PARN: variants seen among roughly 807,000 people sequenced by gnomAD.
PARN encodes poly(A)-specific ribonuclease PARN.
Under a neutral mutation model 102.8 loss-of-function variants are expected in PARN, and 71 were observed. That is an observed-to-expected ratio of 0.69 (90% CI 0.57 to 0.84). The LOEUF is 0.84. Among genes scored for constraint, PARN ranks in the 40% least tolerant of loss-of-function variants. The probability of loss-of-function intolerance (pLI) is 0.00; values close to 1 mark genes in which losing one functional copy is unlikely to be tolerated. For missense variants in PARN, 782 were observed against 760.9 expected, an observed-to-expected ratio of 1.03 and a Z score of -0.33; for synonymous variants, 261 against 252.9, an observed-to-expected ratio of 1.03 and a Z score of -0.30.
intron 21 of PARN, among the ~76,000 whole-genome samples, chr16:14,498,473 T>C (rs563157414): frequency 6.6e-6 from 1 of 152,262 alleles, no homozygotes; most frequent in African/African-American, 2.4e-5. Flanking sequence ...GCTATGAACA[T>C]GAGTCCTCTT....
At chr16:14,568,933 C>T (rs943170658) in intron 18 of PARN, among the ~76,000 whole-genome samples, 1 of 150,718 alleles carries the variant, frequency 6.6e-6, no homozygotes, top group African/African-American at 2.4e-5. Context: ...AAAAAAAGTG[C>T]GGGGACAGTG....
intron 19 of PARN, 87 bp downstream of exon 19, chr16:14,555,567 T>C: frequency 3.4e-6 from 2 of 591,028 alleles, no homozygotes; most frequent in Non-Finnish European, 5.7e-6. Context: ...TGAAAAAAGC[T>C]TTTTCTTTAG....
Position 14,529,780 on chromosome 16 carries a change from C to T in PARN, c.1480+22241G>A, listed in dbSNP as rs186618192. On this transcript the variant is annotated intron_variant, in intron 21 of 23. Transcript: ENST00000437198. ...TCCTCTTATGGAGCCCATGAGGACT[C>T]GGCATCCCCTTCCTGTTCCCCTCAA... is the stretch of plus-strand genomic sequence containing the variant. Among the ~76,000 whole-genome samples the T allele has an allele frequency of 3.6e-4, 55 of 152,174 alleles. No individual in the cohort carries two copies. The East Asian group carries it at 5.6e-3, about 15-fold the overall frequency.
chr16:14,607,790 T>C (rs1971284912), intron 9 of PARN, among the ~76,000 whole-genome samples: 1 of 152,174 alleles, frequency 6.6e-6, no homozygotes, highest in Non-Finnish European at 1.5e-5. Flanking sequence ...CACCTGTCTA[T>C]GTCAATGTTC....
At chr16:14,552,995 T>A (rs1193912541) in intron 20 of PARN, among the ~76,000 whole-genome samples, 1 of 152,054 alleles carries the variant, frequency 6.6e-6, no homozygotes, top group Admixed American at 6.6e-5. Context: ...AAAGTAACTT[T>A]ATATGCCTTA....
intron 21 of PARN, among the ~76,000 whole-genome samples, chr16:14,549,623 G>GTT (rs1967172143): frequency 6.6e-6 from 1 of 152,198 alleles, no homozygotes; most frequent in African/African-American, 2.4e-5. Flanking sequence ...AATTTTAAAA[G>GTT]AAACTTTGAC....
intron 18 of PARN, chr16:14,558,280 A>C (rs981943365): frequency 1.3e-5 from 2 of 152,070 alleles, no homozygotes; most frequent in African/African-American, 4.8e-5. Context: ...TAAAAATACA[A>C]AAAATTAGTG....
intron 13 of PARN, among the ~76,000 whole-genome samples, chr16:14,588,644 C>CGAGCGGGTG (rs1445176353): frequency 6.6e-6 from 1 of 151,974 alleles, no homozygotes; most frequent in African/African-American, 2.4e-5. Context: ...TTTGGAAAGC[C>CGAGCGGGTG]GAGCGGGTGG....
intron 21 of PARN, among the ~76,000 whole-genome samples, chr16:14,517,527 T>C (rs975683632): frequency 6.6e-6 from 1 of 152,214 alleles, no homozygotes; most frequent in Non-Finnish European, 1.5e-5. Flanking sequence ...TAAACCATTA[T>C]GTGTTCAAAA....
At chr16:14,590,234 C>CAA (rs11302769) in intron 13 of PARN, among the ~76,000 whole-genome samples, 141 of 45,922 alleles carry the variant, frequency 3.1e-3, no homozygotes, top group South Asian at 0.014. Flanking sequence ...GACTCCATCT[C>CAA]AAAAAAAAAA....
intron 6 of PARN, among the ~76,000 whole-genome samples, chr16:14,615,849 C>T (rs1320331102): frequency 1.3e-5 from 2 of 149,222 alleles, no homozygotes; most frequent in Non-Finnish European, 3.0e-5. Context: ...TGCGGTGAGT[C>T]GAGATCATAC....
At chr16:14,506,782 G>T (rs1413327991) in intron 21 of PARN, among the ~76,000 whole-genome samples, 1 of 152,094 alleles carries the variant, frequency 6.6e-6, no homozygotes, top group Non-Finnish European at 1.5e-5. Flanking sequence ...CCTGAGCCCA[G>T]GAGTTCAAGT....
rs530235391 is a variant in PARN at position 14,623,682 on chromosome 16, C to A, written c.327+3424G>T. On this transcript the variant is annotated intron_variant, in intron 5 of 23. Transcript: ENST00000437198. The stretch of plus-strand genomic sequence containing the variant: ...TGAAACGCTGTCCCCATTAAAAATA[C>A]AAAAATTAGCAGGGCGTGGTGGCAG... 2.0e-5 allele frequency among the ~76,000 whole-genome samples: 3 copies of A among 151,698 alleles called. No individual in the cohort carries two copies. The South Asian group carries it at 6.2e-4, about 32-fold the overall frequency.
At chr16:14,568,220 T>C (rs1403571096) in intron 18 of PARN, among the ~76,000 whole-genome samples, 1 of 150,858 alleles carries the variant, frequency 6.6e-6, no homozygotes, top group Non-Finnish European at 1.5e-5. Context: ...TTACCTTTTT[T>C]TTTTTTTTTT....
intron 21 of PARN, among the ~76,000 whole-genome samples, chr16:14,511,238 A>G (rs369257609): frequency 6.6e-6 from 1 of 152,184 alleles, no homozygotes; most frequent in African/African-American, 2.4e-5. Context: ...ACACAGGGTG[A>G]TGAGTCCAAG....
rs534367246 is a variant in PARN at position 14,538,339 on chromosome 16, C to T, written c.1480+13682G>A. On this transcript the variant is annotated intron_variant, in intron 21 of 23. Coordinates refer to ENST00000437198, the MANE Select transcript of PARN (RefSeq NM_002582.4). ...GTTCAAGCAACTCTCCTGCCTCAGC[C>T]TCCCAAGTAACTGGGACTACAGGTG... 4.6e-5 allele frequency among the ~76,000 whole-genome samples: 7 copies of T among 151,922 alleles called. No homozygotes were observed. The South Asian group carries it at 1.5e-3, about 32-fold the overall frequency.
chr16:14,439,221 A>G (rs909976391), intron 23 of PARN, among the ~76,000 whole-genome samples: 31 of 151,930 alleles, frequency 2.0e-4, no homozygotes, highest in African/African-American at 7.5e-4. Flanking sequence ...AAAATTTACA[A>G]ATTTGCCAGG....
At position 14,482,691 on chromosome 16, in the gene PARN, T is replaced by G; in HGVS notation, c.1617A>C (p.Leu539Phe). 1 of 1,613,920 alleles carries G rather than the reference T, an allele frequency of 6.2e-7. No homozygotes were observed. Among genetic ancestry groups the G allele is most frequent in the Non-Finnish European group, 8.5e-7 (1 of 1,179,834 alleles). ...DSWKEADSKR[L>F]NPQCIPYTLQ... Reference sequence around the variant, plus strand: ...GGGTGTAGGGTATGCACTGGGGGTTTAACCGTTTGCTGTCAGCCTCCTTCC... The same window carrying G: ...GGGTGTAGGGTATGCACTGGGGGTTGAACCGTTTGCTGTCAGCCTCCTTCC... The change falls in exon 22 of 24, where the codon TTA becomes TTC. Residue 539 changes from leucine (L) to phenylalanine (F), a missense_variant. Coordinates refer to ENST00000437198, the MANE Select transcript of PARN (RefSeq NM_002582.4).
At chr16:14,601,521 A>G (rs896616588) in intron 11 of PARN, among the ~76,000 whole-genome samples, 3 of 152,198 alleles carry the variant, frequency 2.0e-5, no homozygotes, top group African/African-American at 7.2e-5. Flanking sequence ...CTGGAGATGG[A>G]TGGTGGTGAT....
Sources: gnomAD v4.1 joint callset for allele counts (sites outside exome capture counted in the v4.1 genomes callset) on GRCh38, gnomAD v4.1.1 for gene constraint, MANE v1.5 for transcripts, NCBI Gene and HGNC (gene_info 2026-07-23, HGNC 2026-07-21) for gene names.